Variants in CEP131 observed in about 807,000 individuals in gnomAD.
CEP131 encodes centrosomal protein of 131 kDa.
A neutral mutation model predicts 136.8 loss-of-function variants in CEP131; 99 were observed. The ratio of observed to expected loss-of-function variants is 0.72; its 90% CI spans 0.62 to 0.86. The LOEUF (loss-of-function observed/expected upper bound fraction) is 0.86, where lower values mean the gene tolerates loss of function less well. Ranked by LOEUF, CEP131 falls within the 40% of genes least tolerant of loss-of-function variation. CEP131 has a pLI of 0.00. For missense variants in CEP131, 1,459 were observed against 1,463.0 expected (o/e 1.00, Z 0.04); for synonymous variants, 646 against 612.7 (o/e 1.05, Z -0.80).
chr17:81,209,080 C>A, intron 2 of CEP131, 58 bp from the exon 3 acceptor site: 1 of 1,255,368 alleles, frequency 8.0e-7, no homozygotes, highest in South Asian at 1.3e-5. Context: ...CCAGTTTGCT[C>A]AGCCTCCGCC....
rs777777789 is a variant in CEP131, at chr17:81,220,087, C to T, written c.-17-14G>A. 2.7e-6 allele frequency: 4 copies of T among 1,493,722 alleles called. No homozygotes were observed. Among genetic ancestry groups the T allele is most frequent in the Admixed American group, 2.2e-5 (1 of 45,202 alleles). The allele number at this position is 1,493,722 out of a possible 1,614,324, so 92.5% of individuals were successfully genotyped here. ...ACAAGGCAGGTCCTGAGCGGGGAAG[C>T]AAGAGCTGCAATGAGATGCCGTGGG... On this transcript the variant is annotated splice_polypyrimidine_tract_variant and intron_variant, in intron 1 of 25. Transcript: ENST00000450824.
chr17:81,191,041 G>A lies in CEP131; in HGVS notation c.2809C>T (p.Leu937=). 6.2e-7 allele frequency: 1 copy of A among 1,609,906 alleles called. No individual in the cohort carries two copies. The highest frequency in any genetic ancestry group is 1.3e-5 in the African/African-American group (1 of 75,030). The change falls in exon 23 of 26, where the codon CTG becomes TTG. Residue 937 remains leucine (L), a synonymous_variant. Transcript: ENST00000450824. ...RDKYEAELSE[L]EQSERKLQER... ...TGAAGCTTCCGCTCCGACTGCTCCA[G>A]CTCGGAGAGCTCGGCCTCGTACTTG...
chr17:81,200,009 G>A, intron 8 of CEP131, 174 bp from the exon 9 acceptor site: 1 of 687,184 alleles, frequency 1.5e-6, no homozygotes, highest in East Asian at 2.6e-5. Context: ...CTGCTCTACA[G>A]AGGATGAGCC....
intron 13 of CEP131, chr17:81,197,260 A>G (rs1350386993): frequency 3.0e-6 from 2 of 660,058 alleles, no homozygotes; most frequent in Admixed American, 6.2e-5. Context: ...CCGTGGCCTC[A>G]GGAATAAAAA....
chr17:81,199,533 C>T lies in CEP131; in HGVS notation c.1040G>A (p.Arg347Gln), dbSNP rs1356218026. 1 of 1,606,848 alleles carries T rather than the reference C, an allele frequency of 6.2e-7. No homozygotes were observed. The highest frequency in any genetic ancestry group is 1.1e-5 in the South Asian group (1 of 90,090). Residue 347 changes from arginine (R) to glutamine (Q), a missense_variant, in exon 10 of 26, where the codon CGA (arginine) becomes CAA (glutamine). Arg to Gln is a conservative substitution (Grantham distance 43, BLOSUM62 1). Transcript: ENST00000450824. The part of the protein sequence containing the change: ...RAAIQELQQK[R>Q]ALRAQKASTA... ...GCTCGCCTTCTGGGCTCTCAGGGCT[C>T]GTTTCTGTTGCAGCTCCTGCAGTGG...
At position 81,197,803 on chromosome 17, in the gene CEP131, G is replaced by A. The variant is rs1318072312; in HGVS notation, c.1556C>T (p.Thr519Met). 8 of 1,613,300 alleles carry A rather than the reference G, an allele frequency of 5.0e-6. No individual in the cohort carries two copies. Among genetic ancestry groups the A allele is most frequent in the African/African-American group, 4.0e-5 (3 of 75,058 alleles). Residue 519 changes from threonine to methionine, a missense_variant, in exon 13 of 26, where the codon ACG becomes ATG. Around this residue, in one of 3 missense-constraint regions of CEP131, gnomAD observed 1,026 missense variants for 964.2 expected, o/e 1.06. Coordinates refer to ENST00000450824, the MANE Select transcript of CEP131 (RefSeq NM_014984.4). Reference protein sequence around the residue: ...SAFPEPPEDGTLLSEAKLQSI... With the variant: ...SAFPEPPEDGMLLSEAKLQSI... The stretch of plus-strand genomic sequence containing the variant: ...TTGTAGCTTGGCCTCCGATAGCAGC[G>A]TCCCATCCTCAGGAGGTTCGGGGAA...
At chr17:81,196,075 CT>C in intron 15 of CEP131, 124 bp from the exon 16 acceptor site, 1 of 756,690 alleles carries the variant, frequency 1.3e-6, no homozygotes, top group Non-Finnish European at 2.1e-6. Flanking sequence ...GCTGCCCCTC[CT>C]AGGTTTGTGG....
intron 5 of CEP131, among the ~76,000 whole-genome samples, chr17:81,204,482 A>G (rs1200733798): frequency 6.6e-6 from 1 of 152,114 alleles, no homozygotes; most frequent in Non-Finnish European, 1.5e-5. Context: ...ATACTCAACA[A>G]TGCCTTGCTC....
chr17:81,210,828 C>CAAA (rs2062115959), intron 2 of CEP131, among the ~76,000 whole-genome samples: 2 of 103,878 alleles, frequency 1.9e-5, no homozygotes, highest in African/African-American at 5.0e-5. Context: ...CAAAAAAAGA[C>CAAA]CAAAAAAAAA....
chr17:81,199,265 G>T, intron 10 of CEP131, 116 bp downstream of exon 10: 1 of 1,259,764 alleles, frequency 7.9e-7, no homozygotes, highest in Non-Finnish European at 1.1e-6. Flanking sequence ...TCCGAGGACT[G>T]GGGCCGCCAA....
Position 81,203,874 on chromosome 17 carries a change from C to A in CEP131, c.516-267G>T. 1 of 442,382 alleles carries A rather than the reference C, an allele frequency of 2.3e-6. No homozygotes were observed. Among genetic ancestry groups the A allele is most frequent in the Admixed American group, 3.9e-5 (1 of 25,472 alleles). The allele number at this position is 442,382 out of a possible 1,614,324, so 27.4% of individuals were successfully genotyped here. ...GCATGAACGCTGGACGTGCCCAAGACGGGGGGAGCAGCTCAGGCCAGCAGC... is the reference window on the plus strand; with the variant it reads ...GCATGAACGCTGGACGTGCCCAAGAAGGGGGGAGCAGCTCAGGCCAGCAGC... On this transcript the variant is annotated intron_variant, in intron 5 of 25. Coordinates refer to ENST00000450824, the MANE Select transcript of CEP131 (RefSeq NM_014984.4). The surrounding 1 kb of genome is among the most constrained non-coding windows in gnomAD (Gnocchi z 4.6).
Position 81,219,394 on chromosome 17 carries a change from A to G in CEP131, c.177+486T>C, listed in dbSNP as rs2062334068. On this transcript the variant is annotated intron_variant, in intron 2 of 25. Coordinates refer to ENST00000450824, the MANE Select transcript of CEP131 (RefSeq NM_014984.4). The surrounding 1 kb of genome is among the most constrained non-coding windows in gnomAD (Gnocchi z 4.0). ...CCGCAACCTCTGCCTCCTGGGTTCG[A>G]GCAAATCTCCTGCCTCAGCCTCCCG... Among the ~76,000 whole-genome samples the G allele has an allele frequency of 6.7e-6, 1 of 149,034 alleles. No homozygotes were observed. Among genetic ancestry groups the G allele is most frequent in the Non-Finnish European group, 1.5e-5 (1 of 67,642 alleles).
At position 81,207,109 on chromosome 17, in the gene CEP131, G is replaced by A. The variant is rs879419489; in HGVS notation, c.387+16C>T. ...ATCACAGAGACCAGGACGTGGGGCC[G>A]CATGCACCACCTTACCAGGACGTTC... On this transcript the variant is annotated intron_variant, in intron 4 of 25. Transcript: ENST00000450824. 2.5e-6 allele frequency: 4 copies of A among 1,601,050 alleles called. No homozygotes were observed. The highest frequency in any genetic ancestry group is 2.2e-5 in the East Asian group (1 of 44,772).
intron 10 of CEP131, 41 bp from the exon 11 acceptor site, chr17:81,199,012 C>G (rs769487322): frequency 6.8e-7 from 1 of 1,465,570 alleles, no homozygotes; most frequent in Non-Finnish European, 9.0e-7. Context: ...GGGAGCATCC[C>G]GGGGCGGGCA....
intron 18 of CEP131, 77 bp from the exon 19 acceptor site, chr17:81,192,920 C>G (rs533283402): frequency 7.2e-6 from 11 of 1,526,618 alleles, no homozygotes; most frequent in Admixed American, 3.9e-5. Context: ...GGGCACGGGC[C>G]GACCACAGGC....
chr17:81,220,597 C>T (rs111278676), intron 1 of CEP131, among the ~76,000 whole-genome samples: 64,562 of 151,920 alleles, frequency 0.42, 14,095 homozygotes, highest in Non-Finnish European at 0.47. Context: ...CGGGTTCAAG[C>T]GATTCTCCTG....
intron 16 of CEP131, 63 bp from the exon 17 acceptor site, chr17:81,195,035 G>T: frequency 7.7e-7 from 1 of 1,305,708 alleles, no homozygotes; most frequent in Non-Finnish European, 1.1e-6. Context: ...TTGCCACCCT[G>T]TGGGCACAGT....
At chr17:81,213,287 C>G (rs1851025724) in intron 2 of CEP131, among the ~76,000 whole-genome samples, 1 of 152,190 alleles carries the variant, frequency 6.6e-6, no homozygotes, top group African/African-American at 2.4e-5. Context: ...GGGCCAGGTG[C>G]AGTGGCTCAT....
At chr17:81,217,123 T>C (rs1262051309) in intron 2 of CEP131, among the ~76,000 whole-genome samples, 1 of 152,042 alleles carries the variant, frequency 6.6e-6, no homozygotes, top group Non-Finnish European at 1.5e-5. Context: ...TTTAAAGACC[T>C]CTTTTCTTTA....
Sources: allele counts gnomAD v4.1 joint callset (sites outside exome capture counted in the v4.1 genomes callset), GRCh38; gene constraint gnomAD v4.1.1; regional missense constraint gnomAD v4.1.1; non-coding constraint Gnocchi (gnomAD v3.1); transcripts MANE v1.5; gene names NCBI Gene and HGNC (gene_info 2026-07-23, HGNC 2026-07-21).